Variants in PRKAR1A observed in about 807,000 individuals in gnomAD.
The protein encoded by PRKAR1A is protein kinase cAMP-dependent type I regulatory subunit alpha, also known as cAMP-dependent protein kinase type I-alpha regulatory subunit.
A neutral mutation model predicts 52.0 loss-of-function variants in PRKAR1A; 3 were observed. That is an observed-to-expected ratio of 0.06 (90% CI 0.03 to 0.15). The LOEUF is 0.15. PRKAR1A is among the 10% of genes least tolerant of loss of function. PRKAR1A has a pLI of 1.00. For synonymous variants in PRKAR1A, 188 were observed against 168.4 expected (o/e 1.12, Z -0.90); for missense variants, 240 against 477.4 (o/e 0.50, Z 4.63).
intron 11 of PRKAR1A, chr17:68,551,000 G>A: frequency 9.0e-7 from 1 of 1,110,592 alleles, no homozygotes; most frequent in Non-Finnish European, 1.1e-6. Context: ...CAGTCTAATT[G>A]TATTCCACTG....
At position 68,524,095 on chromosome 17, in the gene PRKAR1A, A is replaced by T. The variant is rs1488153741; in HGVS notation, c.502+18A>T. 1 of 1,613,110 alleles carries T rather than the reference A, an allele frequency of 6.2e-7. No individual in the cohort carries two copies. On this transcript the variant is annotated intron_variant, in intron 5 of 10. Transcript: ENST00000589228. ...TCAGCAAGGTAAGGGCCTCTGGAGC[A>T]TGCAATATTGTTACGGGAGAGGAGG...
chr17:68,417,733 A>ATTTTT, the PRKAR1A span, among the ~76,000 whole-genome samples: 3,486 of 60,784 alleles, frequency 0.057, 911 homozygotes, highest in Non-Finnish European at 0.061. Context: ...GAGTTGCTGA[A>ATTTTT]TTTTTTTTTT....
the PRKAR1A span, among the ~76,000 whole-genome samples, chr17:68,451,928 G>A: frequency 0.015 from 2,360 of 152,298 alleles, 20 homozygotes; most frequent in Non-Finnish European, 0.026. Flanking sequence ...GGCCCACAGG[G>A]AACAATGTGG....
At chr17:68,462,913 A>G in the PRKAR1A span, among the ~76,000 whole-genome samples, 1 of 152,174 alleles carries the variant, frequency 6.6e-6, no homozygotes, top group African/African-American at 2.4e-5. Flanking sequence ...TACATTTACC[A>G]AGGGTACATC....
the PRKAR1A span, among the ~76,000 whole-genome samples, chr17:68,481,349 A>G: frequency 6.6e-6 from 1 of 152,264 alleles, no homozygotes; most frequent in East Asian, 1.9e-4. Flanking sequence ...GTAATATAGA[A>G]TGAAATAATT....
chr17:68,424,858 C>T, the PRKAR1A span, among the ~76,000 whole-genome samples: 2 of 152,224 alleles, frequency 1.3e-5, no homozygotes, highest in East Asian at 3.8e-4. Flanking sequence ...GCCTGGGTGA[C>T]AGAGCAAGAC....
the PRKAR1A span, among the ~76,000 whole-genome samples, chr17:68,419,017 C>CAAAAA: frequency 8.9e-6 from 1 of 112,960 alleles, no homozygotes; most frequent in African/African-American, 3.0e-5. Context: ...ATAGCAAAGC[C>CAAAAA]AAAAAAAAAA....
Position 68,531,466 on chromosome 17 carries a change from A to G in PRKAR1A, c.*1017A>G. 1 of 1,066,242 alleles carries G rather than the reference A, an allele frequency of 9.4e-7. No individual in the cohort carries two copies. The highest frequency in any genetic ancestry group is 1.1e-6 in the Non-Finnish European group (1 of 879,652). The allele number at this position is 1,066,242 out of a possible 1,614,324, so 66.0% of individuals were successfully genotyped here. The stretch of plus-strand genomic sequence containing the variant: ...TAGAGGTGATGCTGCTAAAGGGAGA[A>G]ATGCCAGGCGGACAAAGTTCAGTGT... On this transcript the variant is annotated 3_prime_UTR_variant, in exon 11 of 11. Coordinates refer to ENST00000589228, the MANE Select transcript of PRKAR1A (RefSeq NM_002734.5).
the PRKAR1A span, among the ~76,000 whole-genome samples, chr17:68,458,905 T>C: frequency 6.6e-6 from 1 of 152,224 alleles, no homozygotes; most frequent in Non-Finnish European, 1.5e-5. Context: ...CCACTTTTAA[T>C]ACCCAGTTTA....
rs1235130368 is a variant in PRKAR1A, at chr17:68,532,393, A to G, written c.*1944A>G. On this transcript the variant is annotated 3_prime_UTR_variant, in exon 11 of 11. Transcript: ENST00000589228. The stretch of plus-strand genomic sequence containing the variant: ...TCTGAGTGAGTTTTACTCTTAAATC[A>G]TTTGGTTAAATCATTTGGCTTGCTG... 2 of 1,057,496 alleles carry G rather than the reference A, an allele frequency of 1.9e-6. No homozygotes were observed. The highest frequency in any genetic ancestry group is 1.6e-5 in the African/African-American group (1 of 60,870). 65.5% of individuals were successfully genotyped at this position (1,057,496 alleles called of 1,614,324 possible).
intron 11 of PRKAR1A, among the ~76,000 whole-genome samples, chr17:68,548,073 G>A (rs1169580132): frequency 1.3e-5 from 2 of 152,084 alleles, no homozygotes; most frequent in Non-Finnish European, 2.9e-5. Context: ...GAGAGATTGG[G>A]GGAACAGCAA....
chr17:68,519,337 A>G (rs561351506), intron 2 of PRKAR1A, among the ~76,000 whole-genome samples: 30 of 152,324 alleles, frequency 2.0e-4, no homozygotes, highest in African/African-American at 6.7e-4. Context: ...GGAAGCTACA[A>G]TCATGGCAGA....
the PRKAR1A span, among the ~76,000 whole-genome samples, chr17:68,461,145 TC>T: frequency 2.0e-5 from 3 of 150,722 alleles, no homozygotes; most frequent in African/African-American, 4.9e-5. The surrounding 1 kb of genome is among the most constrained non-coding windows in gnomAD (Gnocchi z 4.6). Flanking sequence ...TTTTGGCCTT[TC>T]TCTTTCTTTC....
the PRKAR1A span, among the ~76,000 whole-genome samples, chr17:68,464,340 C>T: frequency 6.6e-6 from 1 of 152,196 alleles, no homozygotes; most frequent in Admixed American, 6.5e-5. Flanking sequence ...CATAACTTAA[C>T]ACAAACCTGG....
chr17:68,460,013 A>G, the PRKAR1A span, among the ~76,000 whole-genome samples: 1 of 151,854 alleles, frequency 6.6e-6, no homozygotes, highest in African/African-American at 2.4e-5. Context: ...TACAGACGGG[A>G]TTTCACCATG....
At chr17:68,455,033 T>G in the PRKAR1A span, among the ~76,000 whole-genome samples, 6 of 152,302 alleles carry the variant, frequency 3.9e-5, 2 homozygotes, top group Admixed American at 1.3e-4. Flanking sequence ...AAACAGAGCT[T>G]GGGACAAATA....
At chr17:68,528,837 T>C in intron 8 of PRKAR1A, 33 bp from the exon 9 acceptor site, 1 of 1,612,332 alleles carries the variant, frequency 6.2e-7, no homozygotes, top group Non-Finnish European at 8.5e-7. Flanking sequence ...CACCAAATAA[T>C]ACAGAGCAGT....
chr17:68,437,016 A>ATGTGTGTGTGTGTGTGTGTGTGTGTG, the PRKAR1A span, among the ~76,000 whole-genome samples: 7 of 144,660 alleles, frequency 4.8e-5, no homozygotes, highest in East Asian at 8.0e-4. Context: ...ATATATATAT[A>ATGTGTGTGTGTGTGTGTGTGTGTGTG]TGTGTGTGTG....
the PRKAR1A span, among the ~76,000 whole-genome samples, chr17:68,502,113 C>T: frequency 6.6e-6 from 1 of 152,218 alleles, no homozygotes; most frequent in East Asian, 1.9e-4. Context: ...TGTTCAGGCT[C>T]CAGACTCCAG....
Sources: gnomAD v4.1 joint callset for allele counts (sites outside exome capture counted in the v4.1 genomes callset) on GRCh38, gnomAD v4.1.1 for gene constraint, Gnocchi (gnomAD v3.1) non-coding constraint, MANE v1.5 for transcripts, NCBI Gene and HGNC (gene_info 2026-07-23, HGNC 2026-07-21) for gene names.